The following TAB2 variants were observed in gnomAD, a reference collection of about 807,000 sequenced individuals.
TAB2 encodes the protein TGF-beta-activated kinase 1 and MAP3K7-binding protein 2.
A neutral mutation model predicts 65.0 loss-of-function variants in TAB2; 3 were observed. The ratio of observed to expected loss-of-function variants is 0.05; its 90% CI spans 0.02 to 0.12. The LOEUF is 0.12. TAB2 is among the 10% of genes least tolerant of loss of function. The pLI, the probability that TAB2 is intolerant of heterozygous loss-of-function variation, is 1.00. For missense variants in TAB2, 623 were observed against 840.3 expected (o/e 0.74, Z 3.20); for synonymous variants, 298 against 285.1 (o/e 1.05, Z -0.46).
chr6:149,231,529 C>T (rs1324816742), intron 1 of TAB2, among the ~76,000 whole-genome samples: 2 of 152,004 alleles, frequency 1.3e-5, no homozygotes, highest in Non-Finnish European at 2.9e-5. Context: ...GGGGGTGATA[C>T]CTAAAGTAAG....
chr6:149,397,797 T>C (rs145223973), intron 4 of TAB2, 33 bp downstream of exon 4: 68 of 1,610,978 alleles, frequency 4.2e-5, no homozygotes, highest in Non-Finnish European at 5.6e-5. Context: ...TGATCTCTGC[T>C]TGAACATGAG....
intron 1 of TAB2, among the ~76,000 whole-genome samples, chr6:149,282,903 A>G (rs1256819174): frequency 1.3e-5 from 2 of 152,312 alleles, no homozygotes; most frequent in South Asian, 2.1e-4. Flanking sequence ...GGCATAATAC[A>G]TCACAAAACA....
intron 1 of TAB2, among the ~76,000 whole-genome samples, chr6:149,249,695 A>G (rs1186597285): frequency 6.6e-6 from 1 of 151,046 alleles, no homozygotes; most frequent in Non-Finnish European, 1.5e-5. Flanking sequence ...TCTATCTTTC[A>G]CGGCGCCCTC....
chr6:149,273,835 C>T (rs111757665), intron 1 of TAB2, among the ~76,000 whole-genome samples: 237 of 152,284 alleles, frequency 1.6e-3, no homozygotes, highest in Middle Eastern at 3.4e-3. Context: ...GAAGTCTGAC[C>T]TGTAATGGGA....
At chr6:149,259,060 A>G (rs1778099509) in intron 1 of TAB2, among the ~76,000 whole-genome samples, 1 of 152,196 alleles carries the variant, frequency 6.6e-6, no homozygotes, top group Non-Finnish European at 1.5e-5. Flanking sequence ...AAGGAACACA[A>G]TGCTGTCAAC....
intron 1 of TAB2, among the ~76,000 whole-genome samples, chr6:149,256,676 A>G (rs1778042940): frequency 6.6e-6 from 1 of 152,212 alleles, no homozygotes. Context: ...CACATGGAAA[A>G]GCACCCAGTA....
At chr6:149,239,229 G>T (rs890287300) in intron 1 of TAB2, among the ~76,000 whole-genome samples, 2 of 152,326 alleles carry the variant, frequency 1.3e-5, no homozygotes, top group South Asian at 4.1e-4. Flanking sequence ...TCATATGATC[G>T]CTTGATAGAC....
intron 1 of TAB2, among the ~76,000 whole-genome samples, chr6:149,236,966 G>A (rs990760133): frequency 2.6e-5 from 4 of 152,190 alleles, no homozygotes; most frequent in African/African-American, 9.7e-5. Context: ...ACATGCCACA[G>A]CAGAGCCAAA....
chr6:149,388,819 A>G (rs1781884956), intron 3 of TAB2, among the ~76,000 whole-genome samples: 1 of 151,814 alleles, frequency 6.6e-6, no homozygotes, highest in Non-Finnish European at 1.5e-5. Context: ...AGTCAATAAA[A>G]TTTTTCTGCC....
intron 1 of TAB2, among the ~76,000 whole-genome samples, chr6:149,330,526 A>G (rs1779751489): frequency 6.6e-6 from 1 of 152,176 alleles, no homozygotes; most frequent in Non-Finnish European, 1.5e-5. Context: ...CATATCCTTA[A>G]TGGCTAATGA....
At chr6:149,250,056 C>T (rs1777827212) in intron 1 of TAB2, among the ~76,000 whole-genome samples, 1 of 151,954 alleles carries the variant, frequency 6.6e-6, no homozygotes. Flanking sequence ...GAGGAGGCAA[C>T]ATAGCAAAAC....
chr6:149,271,043 T>C lies in TAB2; in HGVS notation c.-121+52267T>C, dbSNP rs374785641. On this transcript the variant is annotated intron_variant, in intron 1 of 1. Coordinates refer to the TAB2 transcript ENST00000606202. Reference sequence around the variant, plus strand: ...CTCTATCTCTCTGCACCTTATTCTTTTTTTTTTCATTTTGACTTAGTTGAA... The same window carrying C: ...CTCTATCTCTCTGCACCTTATTCTTCTTTTTTTCATTTTGACTTAGTTGAA... Among the ~76,000 whole-genome samples the C allele has an allele frequency of 1.5e-4, 23 of 151,930 alleles. No homozygotes were observed. The East Asian group carries it at 3.5e-3, about 23-fold the overall frequency.
At chr6:149,241,324 C>T (rs1250816073) in intron 1 of TAB2, among the ~76,000 whole-genome samples, 1 of 152,188 alleles carries the variant, frequency 6.6e-6, no homozygotes, top group Non-Finnish European at 1.5e-5. Context: ...ACCACTTCTC[C>T]ATTTTTTTGT....
intron 1 of TAB2, among the ~76,000 whole-genome samples, chr6:149,297,629 A>T (rs1778900443): frequency 6.6e-6 from 1 of 152,134 alleles, no homozygotes; most frequent in Non-Finnish European, 1.5e-5. Flanking sequence ...GCCTCAAATG[A>T]TCCTCCCGGT....
chr6:149,324,559 G>A (rs1421241158), intron 1 of TAB2, among the ~76,000 whole-genome samples: 1 of 152,132 alleles, frequency 6.6e-6, no homozygotes, highest in Non-Finnish European at 1.5e-5. Flanking sequence ...CAGTGAAGCA[G>A]GCCAGAGATA....
At chr6:149,255,201 C>T (rs1777994225) in intron 1 of TAB2, 1 of 152,124 alleles carries the variant, frequency 6.6e-6, no homozygotes, top group South Asian at 2.1e-4. Context: ...GGGACTGGTC[C>T]CGTTAGAAGA....
intron 3 of TAB2, among the ~76,000 whole-genome samples, chr6:149,385,272 TTTAG>T (rs1467176620): frequency 6.6e-6 from 1 of 152,246 alleles, no homozygotes; most frequent in African/African-American, 2.4e-5. Flanking sequence ...TATAATTTTA[TTTAG>T]TTCAGATTCT....
intron 1 of TAB2, among the ~76,000 whole-genome samples, chr6:149,357,829 A>G (rs1780716197): frequency 1.3e-5 from 2 of 151,858 alleles, no homozygotes; most frequent in Admixed American, 6.6e-5. Context: ...CCTCCCAAGT[A>G]GCTAGGATTA....
intron 1 of TAB2, among the ~76,000 whole-genome samples, chr6:149,340,201 T>A (rs1035615942): frequency 2.2e-4 from 33 of 152,188 alleles, no homozygotes; most frequent in Admixed American, 1.8e-3. Context: ...TGAGTGTAAA[T>A]AAGATGCCAG....
Sources: allele counts gnomAD v4.1 joint callset (sites outside exome capture counted in the v4.1 genomes callset), GRCh38; gene constraint gnomAD v4.1.1; transcripts MANE v1.5; gene names NCBI Gene and HGNC (gene_info 2026-07-23, HGNC 2026-07-21).